Variants in TANGO6 observed in about 807,000 individuals in gnomAD.
TANGO6 encodes transport and golgi organization 6 homolog.
Under a neutral mutation model 114.2 loss-of-function variants are expected in TANGO6, and 90 were observed. The observed-to-expected ratio is 0.79, with a 90% CI of 0.66 to 0.94. The LOEUF (loss-of-function observed/expected upper bound fraction) is 0.94. Ranked by LOEUF, TANGO6 falls within the 40% of genes least tolerant of loss-of-function variation. The pLI is 0.00. For synonymous variants in TANGO6, 477 were observed against 509.8 expected (o/e 0.94, Z 0.87); for missense variants, 1,274 against 1,315.3 (o/e 0.97, Z 0.49).
At chr16:68,869,603 A>G (rs1324172992) in intron 4 of TANGO6, among the ~76,000 whole-genome samples, 2 of 152,172 alleles carry the variant, frequency 1.3e-5, no homozygotes, top group South Asian at 2.1e-4. Flanking sequence ...CTGCCATCCA[A>G]GGATCCCCTT....
At chr16:68,980,044 C>T (rs1334487305) in intron 15 of TANGO6, among the ~76,000 whole-genome samples, 1 of 151,844 alleles carries the variant, frequency 6.6e-6, no homozygotes, top group African/African-American at 2.4e-5. Context: ...GACGGGGTTT[C>T]ACCATGCTGG....
intron 3 of TANGO6, among the ~76,000 whole-genome samples, 166 bp from the exon 4 acceptor site, chr16:68,866,913 G>A (rs1024794894): frequency 6.6e-6 from 1 of 151,902 alleles, no homozygotes; most frequent in Non-Finnish European, 1.5e-5. Flanking sequence ...CTCCTGCCTG[G>A]GTGAAGAGTG....
At chr16:68,853,466 A>C (rs1961937713) in intron 1 of TANGO6, among the ~76,000 whole-genome samples, 1 of 152,112 alleles carries the variant, frequency 6.6e-6, no homozygotes, top group African/African-American at 2.4e-5. Context: ...CCTAGAGATA[A>C]CTGGTTCTAG....
intron 10 of TANGO6, among the ~76,000 whole-genome samples, chr16:68,907,816 T>C (rs1962873113): frequency 6.6e-6 from 1 of 152,142 alleles, no homozygotes; most frequent in Admixed American, 6.6e-5. Flanking sequence ...ACTGACAGTT[T>C]AGAGATGAAC....
chr16:68,914,322 C>T (rs372804835), intron 11 of TANGO6, among the ~76,000 whole-genome samples: 17 of 152,012 alleles, frequency 1.1e-4, no homozygotes, highest in East Asian at 3.8e-4. Flanking sequence ...CAACCATGCC[C>T]GGCTAATTTT....
chr16:68,889,665 GTTAGC>G (rs1238172366), intron 7 of TANGO6, among the ~76,000 whole-genome samples: 1 of 152,186 alleles, frequency 6.6e-6, no homozygotes, highest in Non-Finnish European at 1.5e-5. Context: ...AATTGCAAAT[GTTAGC>G]TTTTCTAAAT....
intron 14 of TANGO6, among the ~76,000 whole-genome samples, chr16:68,964,152 A>G (rs976747527): frequency 6.6e-6 from 1 of 152,110 alleles, no homozygotes; most frequent in Admixed American, 6.6e-5. Context: ...TCAAAATTCA[A>G]AATATTCCCA....
intron 12 of TANGO6, among the ~76,000 whole-genome samples, chr16:68,926,720 G>T (rs1269626691): frequency 6.6e-6 from 1 of 151,690 alleles, no homozygotes; most frequent in Non-Finnish European, 1.5e-5. Context: ...TAGAGGTGGG[G>T]TTTCGCCATG....
At chr16:68,939,253 G>A (rs1374865785) in intron 14 of TANGO6, among the ~76,000 whole-genome samples, 1 of 152,092 alleles carries the variant, frequency 6.6e-6, no homozygotes, top group Non-Finnish European at 1.5e-5. Context: ...AGCCGGGTGT[G>A]GTGGCAGGCG....
At chr16:68,988,692 CTTTTTTTTTT>C (rs397855895) in intron 15 of TANGO6, among the ~76,000 whole-genome samples, 1 of 112,490 alleles carries the variant, frequency 8.9e-6, no homozygotes, top group African/African-American at 3.6e-5. Flanking sequence ...TTCTCTCTCT[CTTTTTTTTTT>C]TTTTTTTTTT....
chr16:69,038,614 C>T (rs1392827515), intron 16 of TANGO6, among the ~76,000 whole-genome samples: 5 of 152,180 alleles, frequency 3.3e-5, no homozygotes, highest in African/African-American at 1.2e-4. Context: ...AAACATTTTT[C>T]TGCCTACCAG....
At chr16:68,993,032 C>T (rs912549153) in intron 15 of TANGO6, among the ~76,000 whole-genome samples, 28 of 151,666 alleles carry the variant, frequency 1.8e-4, no homozygotes, top group Non-Finnish European at 2.9e-5. Context: ...TGCGCCATTG[C>T]ACTCCAGCCC....
intron 15 of TANGO6, among the ~76,000 whole-genome samples, chr16:68,994,832 G>T (rs559412015): frequency 6.6e-6 from 1 of 151,806 alleles, no homozygotes; most frequent in Non-Finnish European, 1.5e-5. Flanking sequence ...CAATTCTCCC[G>T]CCTCAGCCTC....
Position 68,861,521 on chromosome 16 carries a change from T to C in TANGO6, c.735+997T>C, listed in dbSNP as rs1436548981. On this transcript the variant is annotated intron_variant, in intron 2 of 17. Transcript: ENST00000261778. ...CCTCCTTCCGGCAGGGTTATGCGTA[T>C]TGACACTTCTAGCAGCACCTCCTGC... Among the ~76,000 whole-genome samples, 135 of 152,290 alleles carry C rather than the reference T, an allele frequency of 8.9e-4. 1 individual carries two copies. The highest frequency in any genetic ancestry group is 2.2e-4 in the Non-Finnish European group (15 of 68,012).
chr16:68,989,717 T>G (rs1963931179), intron 15 of TANGO6, among the ~76,000 whole-genome samples: 1 of 152,216 alleles, frequency 6.6e-6, no homozygotes, highest in African/African-American at 2.4e-5. Context: ...AACTGTGGTT[T>G]CTGATATAAT....
At chr16:68,885,427 A>G (rs1412756817) in intron 7 of TANGO6, 2 of 152,170 alleles carry the variant, frequency 1.3e-5, no homozygotes, top group Non-Finnish European at 2.9e-5. Context: ...AGAAACTCGT[A>G]TCCATTAGCT....
intron 17 of TANGO6, among the ~76,000 whole-genome samples, chr16:69,061,384 A>C (rs1460881899): frequency 1.3e-5 from 2 of 151,666 alleles, no homozygotes; most frequent in Non-Finnish European, 2.9e-5. Context: ...TGGCCAACAT[A>C]GTGAAACCAT....
At chr16:69,083,354 C>A in intron 17 of TANGO6, 131 bp from the exon 18 acceptor site, 1 of 1,198,782 alleles carries the variant, frequency 8.3e-7, no homozygotes, top group Non-Finnish European at 1.1e-6. Context: ...CCACTGCACC[C>A]AGCCACATTA....
At chr16:69,047,028 A>G (rs1182799215) in intron 17 of TANGO6, among the ~76,000 whole-genome samples, 2 of 150,958 alleles carry the variant, frequency 1.3e-5, no homozygotes, top group African/African-American at 2.4e-5. Flanking sequence ...TAAAAATACA[A>G]AGATTAGCTG....
Sources: gnomAD v4.1 joint callset for allele counts (sites outside exome capture counted in the v4.1 genomes callset) on GRCh38, gnomAD v4.1.1 for gene constraint, MANE v1.5 for transcripts, NCBI Gene and HGNC (gene_info 2026-07-23, HGNC 2026-07-21) for gene names.